Variants in LRRTM4 observed in about 807,000 individuals in gnomAD.
The protein encoded by LRRTM4 is leucine-rich repeat transmembrane neuronal protein 4.
Under a neutral mutation model 47.6 loss-of-function variants are expected in LRRTM4, and 25 were observed. The observed-to-expected ratio is 0.53, with a 90% CI of 0.38 to 0.73. The LOEUF (loss-of-function observed/expected upper bound fraction) is 0.73. Ranked by LOEUF, LRRTM4 falls within the 30% of genes least tolerant of loss-of-function variation. The probability of loss-of-function intolerance (pLI) is 0.00; values close to 1 mark genes in which losing one functional copy is unlikely to be tolerated. For missense variants in LRRTM4, 638 were observed against 713.4 expected (o/e 0.89, Z 1.20); for synonymous variants, 311 against 269.5 (o/e 1.15, Z -1.51).
intron 3 of LRRTM4, among the ~76,000 whole-genome samples, chr2:76,857,787 A>G (rs1035334152): frequency 6.6e-6 from 1 of 152,126 alleles, no homozygotes; most frequent in South Asian, 2.1e-4. Context: ...TTTTAATTCC[A>G]TAATATTATG....
At chr2:77,249,680 G>A (rs1675550020) in intron 3 of LRRTM4, among the ~76,000 whole-genome samples, 1 of 152,174 alleles carries the variant, frequency 6.6e-6, no homozygotes, top group Non-Finnish European at 1.5e-5. Context: ...ATGCTGGCAG[G>A]AATGTGGTGG....
intron 3 of LRRTM4, among the ~76,000 whole-genome samples, chr2:77,033,427 G>GT (rs777468664): frequency 7.0e-5 from 10 of 143,192 alleles, no homozygotes; most frequent in South Asian, 2.2e-4. Context: ...TAAATGCATA[G>GT]TTTTTTTTAC....
chr2:77,487,179 G>A (rs1677950132), intron 3 of LRRTM4, among the ~76,000 whole-genome samples: 1 of 152,172 alleles, frequency 6.6e-6, no homozygotes, highest in South Asian at 2.1e-4. Context: ...AGGGAGCCCC[G>A]CCCCCTTCTG....
At chr2:77,513,814 C>G (rs1679109239) in intron 3 of LRRTM4, among the ~76,000 whole-genome samples, 2 of 152,006 alleles carry the variant, frequency 1.3e-5, no homozygotes, top group Non-Finnish European at 2.9e-5. Context: ...AATCCACCCA[C>G]TTTGGCCTCC....
At chr2:76,926,855 G>T (rs1674603970) in intron 3 of LRRTM4, among the ~76,000 whole-genome samples, 1 of 152,096 alleles carries the variant, frequency 6.6e-6, no homozygotes, top group Non-Finnish European at 1.5e-5. Flanking sequence ...AAGACTGTCT[G>T]CATGTACATA....
At chr2:76,797,131 C>G (rs1442653202) in intron 3 of LRRTM4, among the ~76,000 whole-genome samples, 1 of 151,974 alleles carries the variant, frequency 6.6e-6, no homozygotes, top group East Asian at 1.9e-4. Flanking sequence ...AAAGATACTC[C>G]TCGAGAAGAG....
intron 3 of LRRTM4, among the ~76,000 whole-genome samples, chr2:77,153,032 G>GA (rs567404655): frequency 4.0e-5 from 6 of 151,534 alleles, no homozygotes; most frequent in African/African-American, 9.7e-5. Flanking sequence ...ACTCTAAAAA[G>GA]AAAAAAAAGC....
intron 3 of LRRTM4, among the ~76,000 whole-genome samples, chr2:77,213,266 C>T (rs966315985): frequency 6.6e-6 from 1 of 152,002 alleles, no homozygotes; most frequent in Non-Finnish European, 1.5e-5. Flanking sequence ...GGGAACATTG[C>T]CAAGTTGACA....
intron 3 of LRRTM4, among the ~76,000 whole-genome samples, chr2:77,508,986 C>G (rs1678877951): frequency 6.6e-6 from 1 of 152,012 alleles, no homozygotes; most frequent in Non-Finnish European, 1.5e-5. Flanking sequence ...AATCCCAGCA[C>G]TTTGGGAGGC....
intron 3 of LRRTM4, among the ~76,000 whole-genome samples, chr2:77,393,664 G>C (rs1235047434): frequency 6.6e-6 from 1 of 151,958 alleles, no homozygotes; most frequent in Non-Finnish European, 1.5e-5. Context: ...CTTTACTACA[G>C]TGTGGAAAAT....
rs1673013461 is a variant in LRRTM4 at position 76,755,908 on chromosome 2, G to A, written c.1552-6992C>T. Among the ~76,000 whole-genome samples, 3 of 152,120 alleles carry A rather than the reference G, an allele frequency of 2.0e-5. No individual in the cohort carries two copies. The South Asian group carries it at 6.2e-4, about 31-fold the overall frequency. On this transcript the variant is annotated intron_variant, in intron 3 of 3. Transcript: ENST00000409884. ...GAAAAAAACTGAGTTCCTGGCCATG[G>A]CAAAACAGGAGGTCAGACATGCCTC...
chr2:76,780,166 C>A (rs1363515008), intron 3 of LRRTM4, among the ~76,000 whole-genome samples: 2 of 152,120 alleles, frequency 1.3e-5, no homozygotes, highest in Admixed American at 1.3e-4. Flanking sequence ...TGAGGGTAAC[C>A]CGACCTTTCT....
At chr2:76,862,852 T>G (rs1275242064) in intron 3 of LRRTM4, among the ~76,000 whole-genome samples, 1 of 152,186 alleles carries the variant, frequency 6.6e-6, no homozygotes, top group Non-Finnish European at 1.5e-5. Flanking sequence ...TAAATGAAGA[T>G]AACTCAGTGA....
In LRRTM4 at chr2:77,403,739, C is replaced by A. The variant is rs189405565; in HGVS notation, c.1551+114579G>T. Among the ~76,000 whole-genome samples the A allele has an allele frequency of 1.8e-4, 28 of 151,642 alleles. 1 individual carries two copies. In the East Asian group the frequency reaches 5.1e-3, roughly 27 times the overall value. The stretch of plus-strand genomic sequence containing the variant: ...TTGGATTTGTGTCACATTTTGATAC[C>A]ATTGTCTTAGAATTTAATCTGACCC... On this transcript the variant is annotated intron_variant, in intron 3 of 3. Coordinates refer to ENST00000409884, the MANE Select transcript of LRRTM4 (RefSeq NM_001134745.3).
rs1553412585 is a variant in LRRTM4, at chr2:76,807,411, T to TATATATATATACAC, written c.1552-58496_1552-58495insGTGTATATATATAT. Reference sequence around the variant, plus strand: ...ATATATATATATATGTATATACGTATATATATATATATACATATATATATA... The same window carrying TATATATATATACAC: ...ATATATATATATATGTATATACGTATATATATATATACACATATATATATATACATATATATATA... On this transcript the variant is annotated intron_variant, in intron 3 of 3. Coordinates refer to ENST00000409884, the MANE Select transcript of LRRTM4 (RefSeq NM_001134745.3). Among the ~76,000 whole-genome samples the TATATATATATACAC allele has an allele frequency of 4.7e-5, 4 of 86,018 alleles. No individual in the cohort carries two copies. The East Asian group carries it at 1.7e-3, about 37-fold the overall frequency. 56.4% of individuals were successfully genotyped at this position (86,018 alleles called of 152,430 possible).
chr2:77,059,189 C>A (rs1028044364), intron 3 of LRRTM4, among the ~76,000 whole-genome samples: 1 of 152,142 alleles, frequency 6.6e-6, no homozygotes, highest in African/African-American at 2.4e-5. Flanking sequence ...AGGAACTATA[C>A]TAACAACCTG....
At chr2:77,350,356 A>G (rs923853888) in intron 3 of LRRTM4, among the ~76,000 whole-genome samples, 6 of 149,040 alleles carry the variant, frequency 4.0e-5, no homozygotes, top group African/African-American at 1.2e-4. Flanking sequence ...AAAAAAAAAA[A>G]AAAAAAAGAA....
At chr2:77,230,391 A>G (rs912258113) in intron 3 of LRRTM4, among the ~76,000 whole-genome samples, 3 of 152,146 alleles carry the variant, frequency 2.0e-5, no homozygotes, top group Admixed American at 6.6e-5. Flanking sequence ...ATCATCAGAG[A>G]GAAAAAGATA....
At chr2:76,943,770 T>G (rs1179137866) in intron 3 of LRRTM4, among the ~76,000 whole-genome samples, 1 of 152,202 alleles carries the variant, frequency 6.6e-6, no homozygotes, top group Non-Finnish European at 1.5e-5. Flanking sequence ...TCTGAATTAT[T>G]AGCATGTAAT....
Sources: gnomAD v4.1 joint callset for allele counts (sites outside exome capture counted in the v4.1 genomes callset) on GRCh38, gnomAD v4.1.1 for gene constraint, MANE v1.5 for transcripts, NCBI Gene and HGNC (gene_info 2026-07-23, HGNC 2026-07-21) for gene names.